Variants in BICC1 observed in about 807,000 individuals in gnomAD.
The protein encoded by BICC1 is BicC family RNA binding protein 1.
A neutral mutation model predicts 111.0 loss-of-function variants in BICC1; 43 were observed. That is an observed-to-expected ratio of 0.39 (90% CI 0.30 to 0.50). BICC1 has a LOEUF of 0.50. Among genes scored for constraint, BICC1 ranks in the 20% least tolerant of loss-of-function variants. The probability of loss-of-function intolerance (pLI) is 0.88; values close to 1 mark genes in which losing one functional copy is unlikely to be tolerated. For synonymous variants in BICC1, 467 were observed against 434.4 expected (o/e 1.07, Z -0.93); for missense variants, 1,091 against 1,203.2 (o/e 0.91, Z 1.38).
At position 58,800,226 on chromosome 10, in the gene BICC1, T is replaced by C; in HGVS notation, c.1758T>C (p.Thr586=). ...SPDIKYGAIS[T]SSLGEKVLSA... ...ATATAAAATATGGTGCAATATCCAC[T>C]TCATCACTTGGAGAAAAAGTGCTGA... Residue 586 remains threonine, a synonymous_variant, in exon 13 of 21, where the codon ACT becomes ACC. Transcript: ENST00000373886. 1 of 1,607,968 alleles carries C rather than the reference T, an allele frequency of 6.2e-7. No homozygotes were observed.
chr10:58,585,891 G>A (rs549050045), intron 1 of BICC1, among the ~76,000 whole-genome samples: 1 of 152,288 alleles, frequency 6.6e-6, no homozygotes, highest in East Asian at 1.9e-4. Flanking sequence ...TTGTATGTTA[G>A]CAGAAGTAGC....
chr10:58,788,272 C>T (rs2132804651), intron 5 of BICC1, 98 bp from the exon 6 acceptor site: 2 of 881,804 alleles, frequency 2.3e-6, no homozygotes, highest in South Asian at 3.1e-5. Context: ...GTATTTGTCC[C>T]TGGATGACAC....
intron 2 of BICC1, among the ~76,000 whole-genome samples, chr10:58,700,407 T>G (rs1288728618): frequency 1.3e-5 from 2 of 151,990 alleles, no homozygotes; most frequent in African/African-American, 4.8e-5. Context: ...AGATAACATT[T>G]TTTCTTTTTT....
intron 3 of BICC1, among the ~76,000 whole-genome samples, chr10:58,717,915 TA>T (rs1840799199): frequency 6.6e-6 from 1 of 152,168 alleles, no homozygotes; most frequent in African/African-American, 2.4e-5. Flanking sequence ...TTTCCTGTCC[TA>T]GGCCAATCTA....
chr10:58,573,540 G>A (rs930378199), intron 1 of BICC1, among the ~76,000 whole-genome samples: 1 of 152,188 alleles, frequency 6.6e-6, no homozygotes, highest in Non-Finnish European at 1.5e-5. Context: ...AGCATGAAGA[G>A]TGTAATAGAT....
At chr10:58,645,175 C>A (rs539964801) in intron 2 of BICC1, among the ~76,000 whole-genome samples, 2 of 151,818 alleles carry the variant, frequency 1.3e-5, no homozygotes, top group Non-Finnish European at 2.9e-5. Flanking sequence ...TTTGGGAGAC[C>A]GAGGTGGGTG....
intron 20 of BICC1, among the ~76,000 whole-genome samples, chr10:58,822,432 T>A (rs1844278203): frequency 6.6e-6 from 1 of 152,128 alleles, no homozygotes; most frequent in African/African-American, 2.4e-5. Flanking sequence ...AAGATGGGAA[T>A]CAGAAAGGTT....
chr10:58,517,526 G>A (rs1842274158), intron 1 of BICC1, among the ~76,000 whole-genome samples: 1 of 152,140 alleles, frequency 6.6e-6, no homozygotes, highest in South Asian at 2.1e-4. Flanking sequence ...TGAAAATGGG[G>A]GAGTACTGAA....
chr10:58,678,910 A>C (rs1167090972), intron 2 of BICC1, among the ~76,000 whole-genome samples: 1 of 152,250 alleles, frequency 6.6e-6, no homozygotes, highest in Non-Finnish European at 1.5e-5. Flanking sequence ...ATACATGGAA[A>C]CTGAACAACC....
chr10:58,579,564 C>A (rs1844210786), intron 1 of BICC1, among the ~76,000 whole-genome samples: 1 of 152,168 alleles, frequency 6.6e-6, no homozygotes, highest in Admixed American at 6.5e-5. Flanking sequence ...TACAATCCAT[C>A]CCCTGGCAGA....
chr10:58,701,975 A>G, intron 2 of BICC1, 99 bp from the exon 3 acceptor site: 1 of 840,720 alleles, frequency 1.2e-6, no homozygotes. Flanking sequence ...ATGAACATGA[A>G]CTTAGGAACT....
chr10:58,800,489 G>A (rs113875470), intron 13 of BICC1, among the ~76,000 whole-genome samples, 163 bp downstream of exon 13: 1 of 152,172 alleles, frequency 6.6e-6, no homozygotes, highest in Non-Finnish European at 1.5e-5. Context: ...ATTTCAAAGA[G>A]CATGGTGAAA....
At chr10:58,573,453 C>A (rs969537172) in intron 1 of BICC1, among the ~76,000 whole-genome samples, 5 of 152,032 alleles carry the variant, frequency 3.3e-5, no homozygotes, top group Non-Finnish European at 7.4e-5. Flanking sequence ...TTTCTCAGGC[C>A]CAGATGGTCT....
intron 2 of BICC1, among the ~76,000 whole-genome samples, chr10:58,686,166 T>G (rs1465310948): frequency 1.3e-5 from 2 of 152,226 alleles, no homozygotes; most frequent in Admixed American, 6.5e-5. Flanking sequence ...TGAAAATTCT[T>G]TTCTTTAAGA....
chr10:58,644,250 A>C (rs1588965260), intron 2 of BICC1, among the ~76,000 whole-genome samples: 1 of 152,322 alleles, frequency 6.6e-6, no homozygotes, highest in South Asian at 2.1e-4. Flanking sequence ...GAGATCTCTC[A>C]ATTCTCAGGG....
chr10:58,707,500 A>G (rs1589044907), intron 3 of BICC1, among the ~76,000 whole-genome samples: 1 of 152,180 alleles, frequency 6.6e-6, no homozygotes, highest in East Asian at 1.9e-4. Flanking sequence ...AAAAAAAAAT[A>G]GAGTGTAAGG....
At chr10:58,738,565 A>T (rs1436403283) in intron 3 of BICC1, among the ~76,000 whole-genome samples, 2 of 151,874 alleles carry the variant, frequency 1.3e-5, no homozygotes, top group Non-Finnish European at 2.9e-5. Flanking sequence ...TGACTTGGCA[A>T]TGCAGGCTCT....
In BICC1 at chr10:58,816,745, CTGTGTGTGTGTGTGTG is replaced by C. The variant is rs56310772; in HGVS notation, c.2534-782_2534-767del. Reference sequence around the variant, plus strand: ...CTGCACTCTGCTGAAATCTCCAAGGCTGTGTGTGTGTGTGTGTGTGTGTGTGTGTGTGTGTGTGTGT... The same window carrying C: ...CTGCACTCTGCTGAAATCTCCAAGGCTGTGTGTGTGTGTGTGTGTGTGTGT... On this transcript the variant is annotated intron_variant, in intron 18 of 20. Transcript: ENST00000373886. Among the ~76,000 whole-genome samples the C allele has an allele frequency of 2.1e-4, 26 of 122,162 alleles. 1 individual carries two copies. In the South Asian group the frequency reaches 2.6e-3, roughly 12 times the overall value. 80.1% of individuals were successfully genotyped at this position (122,162 alleles called of 152,430 possible).
intron 2 of BICC1, among the ~76,000 whole-genome samples, chr10:58,683,394 A>G (rs182846667): frequency 6.6e-6 from 1 of 152,240 alleles, no homozygotes; most frequent in Non-Finnish European, 1.5e-5. Flanking sequence ...ATGAACTTTA[A>G]AGTAGTTTTG....
Sources: allele counts gnomAD v4.1 joint callset (sites outside exome capture counted in the v4.1 genomes callset), GRCh38; gene constraint gnomAD v4.1.1; transcripts MANE v1.5; gene names NCBI Gene and HGNC (gene_info 2026-07-23, HGNC 2026-07-21).